The following CYB561 variants were observed in gnomAD, a reference collection of about 807,000 sequenced individuals.
CYB561 encodes the protein transmembrane ascorbate-dependent reductase CYB561.
CYB561 carries 11 observed loss-of-function variants against 25.3 expected under a neutral mutation model. The ratio of observed to expected loss-of-function variants is 0.44; its 90% CI spans 0.27 to 0.72. The LOEUF is 0.72. Ranked by LOEUF, CYB561 falls within the 30% of genes least tolerant of loss-of-function variation. CYB561 has a pLI of 0.18. For missense variants in CYB561, 295 were observed against 334.9 expected (o/e 0.88, Z 0.93); for synonymous variants, 165 against 158.8 (o/e 1.04, Z -0.29).
In CYB561 at chr17:63,433,759, C is replaced by T. The variant is rs771577348; in HGVS notation, c.*643G>A. 27 of 217,038 alleles carry T rather than the reference C, an allele frequency of 1.2e-4. No individual in the cohort carries two copies. Among genetic ancestry groups the T allele is most frequent in the Non-Finnish European group, 1.5e-4 (17 of 111,472 alleles). 13.4% of individuals were successfully genotyped at this position (217,038 alleles called of 1,614,324 possible). A position where few individuals can be genotyped will look rare whatever the true frequency, so the allele number is the denominator to read the frequency against. On this transcript the variant is annotated 3_prime_UTR_variant, in exon 6 of 6. Coordinates refer to ENST00000360793, the MANE Select transcript of CYB561 (RefSeq NM_001915.4). ...GTCTGAAGTCATGGGCTTCTATCCC[C>T]TCTCCCACCAAAGCCATCCTAGGGC... is the stretch of plus-strand genomic sequence containing the variant.
chr17:63,439,460 G>A (rs1033468636), intron 1 of CYB561, among the ~76,000 whole-genome samples: 3 of 152,098 alleles, frequency 2.0e-5, no homozygotes, highest in African/African-American at 7.2e-5. Flanking sequence ...TTGAGCTCAG[G>A]AGGCAGAGTT....
chr17:63,437,971 C>CG, intron 1 of CYB561: 1 of 452,364 alleles, frequency 2.2e-6, no homozygotes, highest in Non-Finnish European at 3.8e-6. Flanking sequence ...CCCACGGCGG[C>CG]CCCGCCACCC....
At chr17:63,441,197 A>G (rs2049372107) in intron 1 of CYB561, among the ~76,000 whole-genome samples, 3 of 152,208 alleles carry the variant, frequency 2.0e-5, no homozygotes, top group Admixed American at 2.0e-4. Context: ...AGTCGGAACC[A>G]TAACATTGTT....
chr17:63,444,970 G>T (rs1402765436), intron 1 of CYB561, among the ~76,000 whole-genome samples: 1 of 152,206 alleles, frequency 6.6e-6, no homozygotes, highest in Non-Finnish European at 1.5e-5. Context: ...GAGGTTAGGA[G>T]TTCGAGACCA....
At chr17:63,443,052 C>A (rs1297104985) in intron 1 of CYB561, among the ~76,000 whole-genome samples, 1 of 152,174 alleles carries the variant, frequency 6.6e-6, no homozygotes, top group Non-Finnish European at 1.5e-5. Flanking sequence ...ACTGTGACTG[C>A]GGAAAGGCCG....
Position 63,437,406 on chromosome 17 carries a change from G to A in CYB561, c.142C>T (p.Leu48=). The A allele has an allele frequency of 6.2e-7, 1 of 1,614,092 alleles. No individual in the cohort carries two copies. Among genetic ancestry groups the A allele is most frequent in the South Asian group, 1.1e-5 (1 of 91,080 alleles). The part of the protein sequence containing the change: ...YRGGIAWESD[L]QFNAHPLCMV... ...CAGAGGGGGTGCGCGTTGAACTGCA[G>A]GTCGCTCTCCCAGGCAATGCCGCCT... Residue 48 remains leucine, a synonymous_variant, in exon 2 of 6, where the codon CTG becomes TTG. Coordinates refer to ENST00000360793, the MANE Select transcript of CYB561 (RefSeq NM_001915.4).
At position 63,435,198 on chromosome 17, in the gene CYB561, A is replaced by G. The variant is rs761270752; in HGVS notation, c.451T>C (p.Ser151Pro). 6.2e-7 allele frequency: 1 copy of G among 1,614,076 alleles called. No homozygotes were observed. Among genetic ancestry groups the G allele is most frequent in the Non-Finnish European group, 8.5e-7 (1 of 1,180,014 alleles). The change falls in exon 5 of 6, where the codon TCC (serine) becomes CCC (proline). Residue 151 changes from serine to proline, a missense_variant. Coordinates refer to ENST00000360793, the MANE Select transcript of CYB561 (RefSeq NM_001915.4). ...TGTGGGCGGTAGCGGCTCCGCAGGG[A>G]GAATGAAGCTCCGGGGAACAGGAAG... is the stretch of plus-strand genomic sequence containing the variant. ...SFFLFPGASF[S>P]LRSRYRPQHI...
At chr17:63,444,762 T>G (rs2049407636) in intron 1 of CYB561, among the ~76,000 whole-genome samples, 1 of 152,222 alleles carries the variant, frequency 6.6e-6, no homozygotes, top group Non-Finnish European at 1.5e-5. Flanking sequence ...GAAGCTACGC[T>G]TTCAGAGGGG....
At position 63,437,576 on chromosome 17, in the gene CYB561, G is replaced by C. The variant is rs1170341293; in HGVS notation, c.-13-16C>G. On this transcript the variant is annotated splice_polypyrimidine_tract_variant and intron_variant, in intron 1 of 5. Coordinates refer to ENST00000360793, the MANE Select transcript of CYB561 (RefSeq NM_001915.4). Reference sequence around the variant, plus strand: ...GAGGCAAACGCTGCAAGAAAGAGCAGAGCTCAGAGGAGCAGCGCACAGCAC... The same window carrying C: ...GAGGCAAACGCTGCAAGAAAGAGCACAGCTCAGAGGAGCAGCGCACAGCAC... The C allele has an allele frequency of 6.3e-7, 1 of 1,591,416 alleles. No individual in the cohort carries two copies. Among genetic ancestry groups the C allele is most frequent in the Admixed American group, 1.7e-5 (1 of 58,914 alleles).
At chr17:63,435,471 G>T in intron 4 of CYB561, 1 of 682,110 alleles carries the variant, frequency 1.5e-6, no homozygotes, top group Non-Finnish European at 2.5e-6. Context: ...TGGGCTTGTG[G>T]CCAAAAGTGC....
intron 1 of CYB561, among the ~76,000 whole-genome samples, chr17:63,441,729 G>C (rs1049803950): frequency 3.3e-5 from 5 of 152,258 alleles, no homozygotes; most frequent in African/African-American, 1.2e-4. Context: ...AGGAACTAGG[G>C]TGGTGCTGTC....
Position 63,434,583 on chromosome 17 carries a change from C to G in CYB561, c.575G>C (p.Ser192Thr). ...CAGGACACCCTCGGGCTCAAATGCG[C>G]TATACTTGCCCCTGCAGGGGTGAGA... is the stretch of plus-strand genomic sequence containing the variant. ...ALLFNLGGKY[S>T]AFEPEGVLAN... Residue 192 changes from serine (S) to threonine (T), a missense_variant, in exon 6 of 6, where the codon AGC (serine) becomes ACC (threonine). Physicochemically the swap from Ser to Thr is moderately conservative, Grantham distance 58 (BLOSUM62 1). Transcript: ENST00000360793. 1.9e-6 allele frequency: 3 copies of G among 1,609,766 alleles called. No homozygotes were observed. Among genetic ancestry groups the G allele is most frequent in the Non-Finnish European group, 2.5e-6 (3 of 1,179,546 alleles).
intron 1 of CYB561, chr17:63,438,081 T>TG (rs1374694116): frequency 1.4e-6 from 2 of 1,474,844 alleles, no homozygotes; most frequent in Non-Finnish European, 1.8e-6. Flanking sequence ...CGGGAGTGGC[T>TG]GGGGGGAGGG....
chr17:63,445,215 A>G (rs1217282729), intron 1 of CYB561, among the ~76,000 whole-genome samples: 1 of 152,032 alleles, frequency 6.6e-6, no homozygotes, highest in African/African-American at 2.4e-5. Flanking sequence ...AAAGCAAGAA[A>G]GCAATAAAGC....
At chr17:63,440,493 G>GT (rs999626116) in intron 1 of CYB561, among the ~76,000 whole-genome samples, 4 of 152,138 alleles carry the variant, frequency 2.6e-5, no homozygotes, top group African/African-American at 7.2e-5. Context: ...TGTCCCCTGC[G>GT]TAAGTGCCCC....
At chr17:63,435,858 G>A (rs1003919017) in intron 3 of CYB561, 67 bp from the exon 4 acceptor site, 8 of 1,588,628 alleles carry the variant, frequency 5.0e-6, no homozygotes, top group African/African-American at 2.7e-5. Flanking sequence ...AGATGACCCA[G>A]GGGAACCAGC....
At chr17:63,445,626 A>G (rs1043642874) in intron 1 of CYB561, among the ~76,000 whole-genome samples, 31 of 152,116 alleles carry the variant, frequency 2.0e-4, no homozygotes, top group Non-Finnish European at 7.4e-5. Context: ...GCCATCTCCC[A>G]GGTGTCAAGG....
intron 1 of CYB561, chr17:63,438,432 A>G: frequency 1.9e-6 from 1 of 525,426 alleles, no homozygotes; most frequent in Non-Finnish European, 3.4e-6. Context: ...CACACCCAGG[A>G]GAGCCAGCCC....
In CYB561 at chr17:63,434,338, G is replaced by A; in HGVS notation, c.*64C>T. ...GCCACTCTCCGGAGCCTGCAGTCCT[G>A]AAGACGCCTCAGCAGGGGCAGGCAA... On this transcript the variant is annotated 3_prime_UTR_variant, in exon 6 of 6. Transcript: ENST00000360793. 2.8e-6 allele frequency: 4 copies of A among 1,431,324 alleles called. No homozygotes were observed. The highest frequency in any genetic ancestry group is 2.7e-5 in the South Asian group (2 of 73,078). 88.7% of individuals were successfully genotyped at this position (1,431,324 alleles called of 1,614,324 possible). A position where few individuals can be genotyped will look rare whatever the true frequency, so the allele number is the denominator to read the frequency against.
Sources: allele counts gnomAD v4.1 joint callset (sites outside exome capture counted in the v4.1 genomes callset), GRCh38; gene constraint gnomAD v4.1.1; transcripts MANE v1.5; gene names NCBI Gene and HGNC (gene_info 2026-07-23, HGNC 2026-07-21).